Variants in PTPRD observed in about 807,000 individuals in gnomAD.
The protein encoded by PTPRD is protein tyrosine phosphatase receptor type D, also known as receptor-type tyrosine-protein phosphatase delta.
PTPRD carries 34 observed loss-of-function variants against 214.5 expected under a neutral mutation model. That is an observed-to-expected ratio of 0.16 (90% CI 0.12 to 0.21). PTPRD has a LOEUF of 0.21. PTPRD is among the 10% of genes least tolerant of loss of function. The pLI, the probability that PTPRD is intolerant of heterozygous loss-of-function variation, is 1.00. For synonymous variants in PTPRD, 1,128 were observed against 845.7 expected, an observed-to-expected ratio of 1.33 and a Z score of -5.79; for missense variants, 2,545 against 2,398.7, an observed-to-expected ratio of 1.06 and a Z score of -1.27.
intron 2 of PTPRD, among the ~76,000 whole-genome samples, chr9:10,423,511 C>T (rs2098573642): frequency 6.6e-6 from 1 of 151,798 alleles, no homozygotes; most frequent in Non-Finnish European, 1.5e-5. Flanking sequence ...ATTATGGTCA[C>T]ATCTCTACAC....
chr9:8,861,703 A>G (rs907348991), intron 11 of PTPRD: 2 of 152,232 alleles, frequency 1.3e-5, no homozygotes, highest in African/African-American at 4.8e-5. Flanking sequence ...TGACCAAGGT[A>G]TGGAATAAAT....
At chr9:10,520,072 T>A (rs2051645296) in intron 2 of PTPRD, among the ~76,000 whole-genome samples, 1 of 152,118 alleles carries the variant, frequency 6.6e-6, no homozygotes. Context: ...TATCCCTCCA[T>A]TTAAATCAAA....
chr9:9,755,151 C>A lies in PTPRD; in HGVS notation c.-326+11659G>T, dbSNP rs2098556297. ...TATAATCACTCAGGTTTGAGAACCC[C>A]AGTGAGATCTTGCATCTTTTGGTTC... On this transcript the variant is annotated intron_variant, in intron 6 of 45. Transcript: ENST00000381196. 2.0e-5 allele frequency among the ~76,000 whole-genome samples: 3 copies of A among 151,836 alleles called. No homozygotes were observed. In the South Asian group the frequency reaches 6.2e-4, roughly 31 times the overall value.
At chr9:9,920,896 T>C (rs1026388550) in intron 5 of PTPRD, among the ~76,000 whole-genome samples, 1 of 152,088 alleles carries the variant, frequency 6.6e-6, no homozygotes, top group Non-Finnish European at 1.5e-5. Flanking sequence ...GAAGAAGGAT[T>C]TAAGATAGAA....
intron 10 of PTPRD, among the ~76,000 whole-genome samples, chr9:9,096,594 A>C (rs990235258): frequency 3.9e-5 from 6 of 152,124 alleles, no homozygotes; most frequent in Admixed American, 2.6e-4. Flanking sequence ...TTTTAAAAAT[A>C]TTTTGTCATA....
intron 35 of PTPRD, among the ~76,000 whole-genome samples, chr9:8,410,113 G>C (rs1359571072): frequency 6.6e-6 from 1 of 152,156 alleles, no homozygotes; most frequent in Non-Finnish European, 1.5e-5. Flanking sequence ...TTCTCTGTTT[G>C]AAAATGGTAA....
chr9:8,554,983 T>C (rs1033076518), intron 14 of PTPRD, among the ~76,000 whole-genome samples: 2 of 143,898 alleles, frequency 1.4e-5, no homozygotes, highest in Admixed American at 1.3e-4. Flanking sequence ...ATTATGTATA[T>C]ATACACTATA....
Position 9,505,130 on chromosome 9 carries a change from C to T in PTPRD, c.-237+69602G>A, listed in dbSNP as rs1289795437. The stretch of plus-strand genomic sequence containing the variant: ...TCTGGACTTTTCTGACTTTCTATTT[C>T]CTTTGATATAGGTATTTCCCCTAAT... On this transcript the variant is annotated intron_variant, in intron 8 of 45. Transcript: ENST00000381196. Among the ~76,000 whole-genome samples the T allele has an allele frequency of 4.0e-5, 6 of 151,542 alleles. No individual in the cohort carries two copies. The Admixed American group carries it at 4.0e-4, about 10-fold the overall frequency.
At chr9:8,412,470 G>C (rs2093608586) in intron 35 of PTPRD, among the ~76,000 whole-genome samples, 1 of 152,096 alleles carries the variant, frequency 6.6e-6, no homozygotes, top group Non-Finnish European at 1.5e-5. Flanking sequence ...CAAGGTCCCA[G>C]TTTTTGCCAC....
chr9:8,755,769 G>A (rs901884743), intron 11 of PTPRD, among the ~76,000 whole-genome samples: 2 of 152,046 alleles, frequency 1.3e-5, no homozygotes, highest in African/African-American at 2.4e-5. Context: ...AATAATAAAA[G>A]TCAAAGTTAC....
Position 8,676,895 on chromosome 9 carries a change from G to T in PTPRD, c.65-40051C>A, listed in dbSNP as rs1300120594. Among the ~76,000 whole-genome samples the T allele has an allele frequency of 2.0e-5, 3 of 151,926 alleles. 1 individual carries two copies. Among genetic ancestry groups the T allele is most frequent in the Admixed American group, 2.0e-4 (3 of 15,234 alleles). On this transcript the variant is annotated intron_variant, in intron 12 of 45. Transcript: ENST00000381196. ...GGCCCATTGTCATCTATATTTTGTT[G>T]TTGTTAAAAAAACGGAGTGCTTGGC...
At chr9:9,550,701 G>A (rs2079995677) in intron 8 of PTPRD, among the ~76,000 whole-genome samples, 2 of 151,652 alleles carry the variant, frequency 1.3e-5, no homozygotes, top group East Asian at 3.9e-4. Flanking sequence ...GGATAAACTA[G>A]TTGCAAATCA....
At chr9:8,982,621 T>A (rs2099318868) in intron 11 of PTPRD, among the ~76,000 whole-genome samples, 1 of 151,856 alleles carries the variant, frequency 6.6e-6, no homozygotes, top group South Asian at 2.1e-4. Flanking sequence ...AATCATCATC[T>A]TATAAATTTG....
intron 9 of PTPRD, among the ~76,000 whole-genome samples, chr9:9,188,819 TG>T (rs2099933286): frequency 6.8e-6 from 1 of 146,082 alleles, no homozygotes; most frequent in African/African-American, 2.7e-5. Context: ...TGTGTGTGTG[TG>T]TGTGTGTGTG....
At chr9:9,545,719 T>C (rs113994823) in intron 8 of PTPRD, among the ~76,000 whole-genome samples, 2,028 of 151,860 alleles carry the variant, frequency 0.013, 49 homozygotes, top group African/African-American at 0.046. Context: ...TGTAGGTGTA[T>C]TGTATATCTT....
chr9:10,162,709 G>GTATATATATACATATACATGTACA (rs1248756474), intron 3 of PTPRD, among the ~76,000 whole-genome samples: 18 of 142,292 alleles, frequency 1.3e-4, no homozygotes, highest in African/African-American at 4.6e-4. Context: ...ACATATACAC[G>GTATATATATACATATACATGTACA]TATATATATA....
intron 5 of PTPRD, among the ~76,000 whole-genome samples, chr9:9,790,906 A>G (rs2153472477): frequency 6.6e-6 from 1 of 152,330 alleles, no homozygotes; most frequent in South Asian, 2.1e-4. Flanking sequence ...AACTAGCCTT[A>G]TAACAAGTAT....
chr9:8,651,994 C>T (rs2381863), intron 12 of PTPRD, among the ~76,000 whole-genome samples: 151,711 of 152,292 alleles, frequency 1, 75,568 homozygotes, highest in Middle Eastern at 1. Context: ...CGATTATGCA[C>T]GCTTTTCTAG....
intron 2 of PTPRD, among the ~76,000 whole-genome samples, chr9:10,381,439 G>A (rs2154483995): frequency 6.6e-6 from 1 of 152,092 alleles, no homozygotes; most frequent in African/African-American, 2.4e-5. Context: ...TGGCTTGTTA[G>A]CATATCATGC....
Sources: gnomAD v4.1 joint callset for allele counts (sites outside exome capture counted in the v4.1 genomes callset) on GRCh38, gnomAD v4.1.1 for gene constraint, MANE v1.5 for transcripts, NCBI Gene and HGNC (gene_info 2026-07-23, HGNC 2026-07-21) for gene names.